DLGAP1: variants seen among roughly 807,000 people sequenced by gnomAD.
DLGAP1 encodes the protein disks large-associated protein 1.
A neutral mutation model predicts 90.8 loss-of-function variants in DLGAP1; 11 were observed. The observed-to-expected ratio is 0.12, with a 90% CI of 0.08 to 0.20. The LOEUF is 0.20. DLGAP1 is among the 10% of genes least tolerant of loss of function. The pLI, the probability that DLGAP1 is intolerant of heterozygous loss-of-function variation, is 1.00. For synonymous variants in DLGAP1, 558 were observed against 540.7 expected, an observed-to-expected ratio of 1.03 and a Z score of -0.44; for missense variants, 1,050 against 1,333.8, an observed-to-expected ratio of 0.79 and a Z score of 3.31.
At chr18:3,845,733 C>T in intron 4 of DLGAP1, 2 of 425,592 alleles carry the variant, frequency 4.7e-6, no homozygotes, top group Non-Finnish European at 3.1e-6. Context: ...AAGAAGCATG[C>T]CTGATTGTCT....
rs114826694 is a variant in DLGAP1 at position 3,674,376 on chromosome 18, T to G, written c.1591+54759A>C. Among the ~76,000 whole-genome samples, 1,082 of 151,176 alleles carry G rather than the reference T, an allele frequency of 7.2e-3. 14 individuals are homozygous for G. Among genetic ancestry groups the G allele is most frequent in the African/African-American group, 0.024 (994 of 41,268 alleles). On this transcript the variant is annotated intron_variant, in intron 7 of 12. Transcript: ENST00000315677. ...GCTCATGCCTATAATTCCAGCACTT[T>G]GGGAGGCTGCGGTGAGACAATCATT...
chr18:4,240,494 T>C (rs944714645), intron 1 of DLGAP1, among the ~76,000 whole-genome samples: 3 of 152,248 alleles, frequency 2.0e-5, no homozygotes, highest in East Asian at 3.9e-4. Context: ...TCAGACTAAT[T>C]ATAATCTCTT....
intron 7 of DLGAP1, among the ~76,000 whole-genome samples, chr18:3,602,430 C>G (rs1742931462): frequency 6.6e-6 from 1 of 151,692 alleles, no homozygotes; most frequent in Non-Finnish European, 1.5e-5. Context: ...CCCGTCTCTG[C>G]TAAAAATACA....
At chr18:4,398,364 A>G (rs1450557493) in intron 1 of DLGAP1, among the ~76,000 whole-genome samples, 1 of 152,168 alleles carries the variant, frequency 6.6e-6, no homozygotes, top group Non-Finnish European at 1.5e-5. Context: ...GTGACTGTTC[A>G]CTTTCTCCAG....
chr18:3,741,257 A>C (rs2063005462), intron 6 of DLGAP1, among the ~76,000 whole-genome samples: 1 of 100,450 alleles, frequency 1.0e-5, no homozygotes. Flanking sequence ...CATCACCACC[A>C]CAATCACCAC....
chr18:4,070,838 C>T (rs1053907555), intron 2 of DLGAP1, among the ~76,000 whole-genome samples: 6 of 152,010 alleles, frequency 3.9e-5, no homozygotes, highest in Non-Finnish European at 8.8e-5. Flanking sequence ...TAATACATGC[C>T]TCTCAGAAAT....
intron 3 of DLGAP1, among the ~76,000 whole-genome samples, chr18:3,930,613 G>C (rs1192917018): frequency 6.6e-6 from 1 of 152,102 alleles, no homozygotes; most frequent in Admixed American, 6.5e-5. Context: ...GACTGTGCTG[G>C]GGACCTCAGA....
In DLGAP1 at chr18:3,624,827, A is replaced by C. The variant is rs1377790887; in HGVS notation, c.1592-42579T>G. ...AGTTAGGCCATATGCACCCAGGGGG[A>C]ATCTCAAGAGCAAACTAATCTAAAC... On this transcript the variant is annotated intron_variant, in intron 7 of 12. Transcript: ENST00000315677. Among the ~76,000 whole-genome samples, 3 of 152,098 alleles carry C rather than the reference A, an allele frequency of 2.0e-5. No homozygotes were observed. The East Asian group carries it at 5.8e-4, about 29-fold the overall frequency.
chr18:3,898,007 G>A (rs1396891608), intron 3 of DLGAP1, among the ~76,000 whole-genome samples: 7 of 151,836 alleles, frequency 4.6e-5, no homozygotes, highest in Non-Finnish European at 7.4e-5. Context: ...TGTTAGCCAG[G>A]ATGGTCTCGA....
Position 3,576,096 on chromosome 18 carries a change from C to T in DLGAP1, c.1965+5779G>A, listed in dbSNP as rs138201279. Among the ~76,000 whole-genome samples, 514 of 152,260 alleles carry T rather than the reference C, an allele frequency of 3.4e-3. 4 individuals are homozygous for T. The highest frequency in any genetic ancestry group is 0.012 in the African/African-American group (492 of 41,552). ...TACATTTAGCTGCTCTTCGACACTG[C>T]GGCCAGGACTCCCAAACTACATTTC... is the stretch of plus-strand genomic sequence containing the variant. On this transcript the variant is annotated intron_variant, in intron 8 of 12. Coordinates refer to ENST00000315677, the MANE Select transcript of DLGAP1 (RefSeq NM_004746.4).
chr18:3,614,083 G>A (rs1176961002), intron 7 of DLGAP1, among the ~76,000 whole-genome samples: 2 of 152,054 alleles, frequency 1.3e-5, no homozygotes, highest in Non-Finnish European at 2.9e-5. Flanking sequence ...AACCACACCC[G>A]GCTAAAGTTT....
At chr18:4,395,381 TA>T (rs5822815) in intron 1 of DLGAP1, among the ~76,000 whole-genome samples, 64,468 of 151,994 alleles carry the variant, frequency 0.42, 15,472 homozygotes, top group East Asian at 0.68. Flanking sequence ...CAAAATCAAA[TA>T]GGGGGTATAA....
intron 6 of DLGAP1, among the ~76,000 whole-genome samples, chr18:3,731,447 G>T (rs1242526039): frequency 1.3e-5 from 2 of 151,806 alleles, no homozygotes; most frequent in Admixed American, 6.6e-5. Flanking sequence ...TTTGAGATAG[G>T]TTCTTGCTCT....
chr18:3,941,814 G>A (rs2072775265), intron 3 of DLGAP1, among the ~76,000 whole-genome samples: 1 of 152,166 alleles, frequency 6.6e-6, no homozygotes, highest in Non-Finnish European at 1.5e-5. Flanking sequence ...CCAGGCGCAT[G>A]TGGTCCTCCC....
chr18:4,296,210 T>C (rs2079977444), intron 1 of DLGAP1, among the ~76,000 whole-genome samples: 1 of 152,212 alleles, frequency 6.6e-6, no homozygotes, highest in African/African-American at 2.4e-5. Context: ...GCACGCAGCC[T>C]TCCTTTACCT....
At chr18:4,343,076 G>A (rs1215232072) in intron 1 of DLGAP1, among the ~76,000 whole-genome samples, 1 of 152,106 alleles carries the variant, frequency 6.6e-6, no homozygotes, top group East Asian at 1.9e-4. Context: ...GGGAGGCCGA[G>A]GCAGGCGGAT....
Position 4,298,664 on chromosome 18 carries a change from C to A in DLGAP1, c.-266-147377G>T, listed in dbSNP as rs1026815511. The stretch of plus-strand genomic sequence containing the variant: ...GGGAGGGAAAGCATCGGGAGATATA[C>A]CTAATGCTAGATGACGAGTTAGTGG... On this transcript the variant is annotated intron_variant, in intron 1 of 12. Coordinates refer to ENST00000315677, the MANE Select transcript of DLGAP1 (RefSeq NM_004746.4). Among the ~76,000 whole-genome samples, 27 of 152,084 alleles carry A rather than the reference C, an allele frequency of 1.8e-4. No individual in the cohort carries two copies. The East Asian group carries it at 4.5e-3, about 25-fold the overall frequency.
intron 7 of DLGAP1, among the ~76,000 whole-genome samples, chr18:3,656,602 A>C (rs1373044009): frequency 1.3e-5 from 2 of 152,182 alleles, no homozygotes; most frequent in Non-Finnish European, 2.9e-5. Context: ...GTTGGGCCAG[A>C]GCCCTTTTCT....
In DLGAP1 at chr18:3,879,162, T is replaced by A. The variant is rs762231648; in HGVS notation, c.907A>T (p.Met303Leu). 3 of 1,513,132 alleles carry A rather than the reference T, an allele frequency of 2.0e-6. No individual in the cohort carries two copies. Among genetic ancestry groups the A allele is most frequent in the Non-Finnish European group, 2.7e-6 (3 of 1,130,968 alleles). The allele number at this position is 1,513,132 out of a possible 1,614,324, so 93.7% of individuals were successfully genotyped here. A position where few individuals can be genotyped will look rare whatever the true frequency, so the allele number is the denominator to read the frequency against. Residue 303 changes from methionine to leucine, a missense_variant, in exon 4 of 13, where the codon ATG becomes TTG. Met to Leu is a conservative substitution (Grantham distance 15). This residue lies in a region of DLGAP1 where 485 missense variants were observed against 454.1 expected (regional missense o/e 1.07). Coordinates refer to ENST00000315677, the MANE Select transcript of DLGAP1 (RefSeq NM_004746.4). The surrounding 1 kb of genome is among the most constrained non-coding windows in gnomAD (Gnocchi z 6.6). ...TGCTGACACGACTCGGACTTCACCATGGCCTGGTCCATGTTCACCGAGGCC... is the reference window on the plus strand; with the variant it reads ...TGCTGACACGACTCGGACTTCACCAAGGCCTGGTCCATGTTCACCGAGGCC... ...QKASVNMDQA[M>L]VKSESCQQER...
Sources: gnomAD v4.1 joint callset for allele counts (sites outside exome capture counted in the v4.1 genomes callset) on GRCh38, gnomAD v4.1.1 for gene constraint, gnomAD v4.1.1 regional missense constraint, Gnocchi (gnomAD v3.1) non-coding constraint, MANE v1.5 for transcripts, NCBI Gene and HGNC (gene_info 2026-07-23, HGNC 2026-07-21) for gene names.